The following ZNF804B variants were observed in gnomAD, a reference collection of about 807,000 sequenced individuals.
The protein encoded by ZNF804B is zinc finger 804B.
In ZNF804B, 80 loss-of-function variants were observed where a neutral mutation model predicts 101.4. The observed-to-expected ratio is 0.79, with a 90% confidence interval of 0.66 to 0.95. The LOEUF (loss-of-function observed/expected upper bound fraction) is 0.95. ZNF804B is among the 40% of genes least tolerant of loss of function. The probability of loss-of-function intolerance (pLI) is 0.00; values close to 1 mark genes in which losing one functional copy is unlikely to be tolerated. For missense variants in ZNF804B, 1,673 were observed against 1,561.9 expected, an observed-to-expected ratio of 1.07 and a Z score of -1.20; for synonymous variants, 622 against 558.8, an observed-to-expected ratio of 1.11 and a Z score of -1.59.
chr7:89,173,634 A>T (rs1340686084), intron 1 of ZNF804B, among the ~76,000 whole-genome samples: 2 of 152,064 alleles, frequency 1.3e-5, no homozygotes, highest in African/African-American at 2.4e-5. Flanking sequence ...AGGCGGTCAT[A>T]TGAATGGCTC....
intron 1 of ZNF804B, among the ~76,000 whole-genome samples, chr7:88,834,914 A>G (rs1353426210): frequency 6.6e-6 from 1 of 151,816 alleles, no homozygotes; most frequent in South Asian, 2.1e-4. Flanking sequence ...ATATGACAGA[A>G]TTTTGACATC....
At chr7:88,866,345 C>T (rs1400511924) in intron 1 of ZNF804B, among the ~76,000 whole-genome samples, 1 of 152,064 alleles carries the variant, frequency 6.6e-6, no homozygotes, top group African/African-American at 2.4e-5. Context: ...TATTCCCTTC[C>T]CCTTAATTTC....
At chr7:89,009,228 C>A (rs1283810548) in intron 1 of ZNF804B, among the ~76,000 whole-genome samples, 15 of 152,070 alleles carry the variant, frequency 9.9e-5, no homozygotes. Flanking sequence ...ACTTCTTTAT[C>A]ACTTTCTTAA....
Position 89,337,311 on chromosome 7 carries a change from T to A in ZNF804B, c.*279T>A, listed in dbSNP as rs1791114945. On this transcript the variant is annotated 3_prime_UTR_variant, in exon 4 of 4. Coordinates refer to ENST00000333190, the MANE Select transcript of ZNF804B (RefSeq NM_181646.5). ...TTGTTTTGGATGGGTTCTCGCATAA[T>A]GTTATAAAATAGCAACAGAAAACAT... is the stretch of plus-strand genomic sequence containing the variant. 6.6e-6 allele frequency among the ~76,000 whole-genome samples: 1 copy of A among 152,084 alleles called. No homozygotes were observed. The highest frequency in any genetic ancestry group is 2.4e-5 in the African/African-American group (1 of 41,440).
intron 1 of ZNF804B, among the ~76,000 whole-genome samples, chr7:88,856,371 G>A (rs1791559499): frequency 6.6e-6 from 1 of 152,170 alleles, no homozygotes; most frequent in African/African-American, 2.4e-5. Context: ...TGAAGCAACT[G>A]TGAATGGGAG....
At chr7:89,098,860 T>C (rs1790010126) in intron 1 of ZNF804B, among the ~76,000 whole-genome samples, 1 of 151,940 alleles carries the variant, frequency 6.6e-6, no homozygotes, top group Non-Finnish European at 1.5e-5. Flanking sequence ...TAAGCTCAAG[T>C]ACCTGCCTAA....
chr7:88,809,958 C>T (rs2115732041), intron 1 of ZNF804B, among the ~76,000 whole-genome samples: 1 of 152,270 alleles, frequency 6.6e-6, no homozygotes, highest in Non-Finnish European at 1.5e-5. Flanking sequence ...TGCCAAGTTT[C>T]CACTCCTTTA....
At chr7:89,017,054 C>A (rs1788576980) in intron 1 of ZNF804B, among the ~76,000 whole-genome samples, 1 of 152,100 alleles carries the variant, frequency 6.6e-6, no homozygotes, top group South Asian at 2.1e-4. Flanking sequence ...TCCTTCACAT[C>A]CCTTGTAAGT....
chr7:89,039,829 G>A (rs1788988851), intron 1 of ZNF804B, among the ~76,000 whole-genome samples: 1 of 151,916 alleles, frequency 6.6e-6, no homozygotes, highest in Non-Finnish European at 1.5e-5. Flanking sequence ...CATGGTTACT[G>A]TTGAGAAATT....
chr7:89,230,308 GGAGA>G (rs58208342), intron 2 of ZNF804B, among the ~76,000 whole-genome samples: 6 of 148,904 alleles, frequency 4.0e-5, no homozygotes, highest in South Asian at 2.1e-4. Flanking sequence ...ATGGGGAGGG[GGAGA>G]GAGAGAGAGA....
chr7:88,767,920 A>G (rs1790008699), intron 1 of ZNF804B, among the ~76,000 whole-genome samples: 1 of 152,210 alleles, frequency 6.6e-6, no homozygotes, highest in Non-Finnish European at 1.5e-5. Flanking sequence ...TACAGACTTA[A>G]CTAAGGAGTT....
chr7:89,262,128 T>G (rs1372299126), intron 2 of ZNF804B, among the ~76,000 whole-genome samples: 1 of 152,174 alleles, frequency 6.6e-6, no homozygotes, highest in Admixed American at 6.5e-5. Context: ...CACTCATATT[T>G]CCCCCTTTTT....
At chr7:89,118,904 G>A (rs745822636) in intron 1 of ZNF804B, among the ~76,000 whole-genome samples, 3 of 152,156 alleles carry the variant, frequency 2.0e-5, no homozygotes, top group Non-Finnish European at 4.4e-5. Flanking sequence ...TGGCGATGAT[G>A]ATGGTGATGA....
At chr7:89,062,410 C>G (rs137987493) in intron 1 of ZNF804B, among the ~76,000 whole-genome samples, 15 of 152,212 alleles carry the variant, frequency 9.9e-5, no homozygotes, top group African/African-American at 3.4e-4. Context: ...CTGACTTCTA[C>G]CCAGCCTCCA....
chr7:89,103,148 T>A (rs1790087054), intron 1 of ZNF804B, among the ~76,000 whole-genome samples: 1 of 147,144 alleles, frequency 6.8e-6, no homozygotes, highest in Admixed American at 6.9e-5. Context: ...CAATGCAATG[T>A]CTCCAGAATT....
intron 1 of ZNF804B, among the ~76,000 whole-genome samples, chr7:88,796,041 T>C (rs768604812): frequency 2.0e-5 from 3 of 152,106 alleles, no homozygotes; most frequent in Non-Finnish European, 4.4e-5. Flanking sequence ...CAGGAACACA[T>C]ATCTGAATCT....
At chr7:88,987,699 A>G (rs188793720) in intron 1 of ZNF804B, among the ~76,000 whole-genome samples, 1 of 152,126 alleles carries the variant, frequency 6.6e-6, no homozygotes, top group Non-Finnish European at 1.5e-5. Context: ...TGTGTAACAA[A>G]TAAGCCTGGG....
intron 1 of ZNF804B, among the ~76,000 whole-genome samples, chr7:89,002,300 T>C (rs1788302325): frequency 6.6e-6 from 1 of 151,516 alleles, no homozygotes; most frequent in Non-Finnish European, 1.5e-5. Context: ...AAAATATAGA[T>C]TTATTGATAC....
intron 1 of ZNF804B, among the ~76,000 whole-genome samples, chr7:89,016,239 G>A (rs1053226731): frequency 3.4e-4 from 52 of 151,392 alleles, no homozygotes; most frequent in Non-Finnish European, 4.9e-4. Flanking sequence ...GGATATTAGC[G>A]CTTTGTCAGA....
Sources: gnomAD v4.1 joint callset for allele counts (sites outside exome capture counted in the v4.1 genomes callset) on GRCh38, gnomAD v4.1.1 for gene constraint, MANE v1.5 for transcripts, NCBI Gene and HGNC (gene_info 2026-07-23, HGNC 2026-07-21) for gene names.